Variants in VPS13B observed in about 807,000 individuals in gnomAD.
VPS13B encodes the protein vacuolar protein sorting 13 homolog B.
VPS13B carries 285 observed loss-of-function variants against 426.4 expected under a neutral mutation model. The ratio of observed to expected loss-of-function variants is 0.67; its 90% CI spans 0.61 to 0.74. VPS13B has a LOEUF of 0.74. Among genes scored for constraint, VPS13B ranks in the 30% least tolerant of loss-of-function variants. The pLI is 0.00. For missense variants in VPS13B, 4,537 were observed against 4,782.6 expected (o/e 0.95, Z 1.51); for synonymous variants, 1,676 against 1,676.4 (o/e 1.00, Z 0.01).
chr8:99,250,664 C>CTTTTTTTTTTTTTTTTTT (rs60698750), intron 17 of VPS13B, among the ~76,000 whole-genome samples: 2 of 35,806 alleles, frequency 5.6e-5, no homozygotes, highest in Admixed American at 4.8e-4. Flanking sequence ...TGTGTTTATT[C>CTTTTTTTTTTTTTTTTTT]TTTTTTTTTT....
chr8:99,631,346 A>G (rs2133911368), intron 33 of VPS13B, among the ~76,000 whole-genome samples: 1 of 152,224 alleles, frequency 6.6e-6, no homozygotes, highest in Non-Finnish European at 1.5e-5. Context: ...ATTGTCTCTA[A>G]TCATAGCCTT....
intron 30 of VPS13B, among the ~76,000 whole-genome samples, chr8:99,521,623 C>T (rs1822383498): frequency 6.6e-6 from 1 of 152,204 alleles, no homozygotes; most frequent in Non-Finnish European, 1.5e-5. Flanking sequence ...GAAGTTGGCA[C>T]TGCTGCCAGA....
At chr8:99,049,453 A>T (rs1394574837) in intron 3 of VPS13B, among the ~76,000 whole-genome samples, 1 of 152,062 alleles carries the variant, frequency 6.6e-6, no homozygotes, top group Non-Finnish European at 1.5e-5. Flanking sequence ...TTCTTGGCAG[A>T]TAATTGCTTT....
At chr8:99,633,518 T>G (rs1828934786) in intron 33 of VPS13B, among the ~76,000 whole-genome samples, 1 of 151,992 alleles carries the variant, frequency 6.6e-6, no homozygotes, top group African/African-American at 2.4e-5. Context: ...TGAGTCAAAT[T>G]CTATGAAAAA....
intron 16 of VPS13B, among the ~76,000 whole-genome samples, chr8:99,171,783 T>G (rs1424915064): frequency 6.6e-6 from 1 of 152,038 alleles, no homozygotes; most frequent in East Asian, 1.9e-4. Context: ...ATTTTCTTAA[T>G]AAATGTAAAA....
intron 3 of VPS13B, among the ~76,000 whole-genome samples, chr8:99,071,344 T>A (rs1844841132): frequency 6.6e-6 from 1 of 152,162 alleles, no homozygotes; most frequent in Non-Finnish European, 1.5e-5. Flanking sequence ...CTGTGACTCT[T>A]ATAGACTTGC....
intron 17 of VPS13B, among the ~76,000 whole-genome samples, chr8:99,227,298 A>G (rs890258354): frequency 6.6e-6 from 1 of 152,130 alleles, no homozygotes; most frequent in African/African-American, 2.4e-5. Context: ...GTTATTTTCA[A>G]AATCGATTTG....
intron 19 of VPS13B, 35 bp downstream of exon 19, chr8:99,275,289 C>CTTTT (rs11332378): frequency 1.7e-5 from 20 of 1,195,702 alleles, no homozygotes; most frequent in African/African-American, 5.9e-5. Flanking sequence ...CCTTGTTTTG[C>CTTTT]TTTTTTTTTT....
intron 24 of VPS13B, among the ~76,000 whole-genome samples, chr8:99,477,929 T>C (rs1819782624): frequency 6.6e-6 from 1 of 152,162 alleles, no homozygotes; most frequent in Admixed American, 6.5e-5. Context: ...TTAATGTCTT[T>C]AGACACCAGT....
chr8:99,101,980 A>G (rs757040157), intron 4 of VPS13B, among the ~76,000 whole-genome samples: 2 of 151,752 alleles, frequency 1.3e-5, no homozygotes, highest in Non-Finnish European at 3.0e-5. Context: ...AGTGGAAAAG[A>G]TTAATTTTTT....
At position 99,823,825 on chromosome 8, in the gene VPS13B, C is replaced by T; in HGVS notation, c.9184-7C>T. 3 of 1,612,784 alleles carry T rather than the reference C, an allele frequency of 1.9e-6. No homozygotes were observed. Among genetic ancestry groups the T allele is most frequent in the Non-Finnish European group, 2.5e-6 (3 of 1,179,488 alleles). ...GTCAAAATTATTTTTTCTCAATTATCTTGTAGTTATGTCAGTTCTGCATTT... is the reference window on the plus strand; with the variant it reads ...GTCAAAATTATTTTTTCTCAATTATTTTGTAGTTATGTCAGTTCTGCATTT... On this transcript the variant is annotated splice_region_variant and splice_polypyrimidine_tract_variant and intron_variant, in intron 50 of 61. Transcript: ENST00000357162.
chr8:99,149,552 AG>A (rs757967003), intron 14 of VPS13B, among the ~76,000 whole-genome samples: 1 of 151,702 alleles, frequency 6.6e-6, no homozygotes, highest in Non-Finnish European at 1.5e-5. Context: ...TCCTGACCTC[AG>A]GTGATCCACC....
chr8:99,874,861 C>G (rs1588818262), intron 61 of VPS13B: 2 of 154,290 alleles, frequency 1.3e-5, no homozygotes, highest in Admixed American at 1.3e-4. Context: ...TCTCTATTTT[C>G]TCTGGCTTTA....
At chr8:99,764,485 C>T (rs1715080191) in intron 39 of VPS13B, among the ~76,000 whole-genome samples, 1 of 142,126 alleles carries the variant, frequency 7.0e-6, no homozygotes, top group South Asian at 2.2e-4. Context: ...GCGATCTTGG[C>T]TCATGGCAAC....
At chr8:99,851,704 C>T (rs563602782) in intron 55 of VPS13B, among the ~76,000 whole-genome samples, 2 of 151,854 alleles carry the variant, frequency 1.3e-5, no homozygotes, top group East Asian at 3.9e-4. Context: ...CTGTTGTGGG[C>T]CCAGTGGAGG....
chr8:99,113,490 T>C (rs1198934072), intron 6 of VPS13B, among the ~76,000 whole-genome samples: 2 of 152,234 alleles, frequency 1.3e-5, no homozygotes, highest in Non-Finnish European at 2.9e-5. Flanking sequence ...CTAGGGAATA[T>C]GTATTAAACA....
At position 99,423,364 on chromosome 8, in the gene VPS13B, C is replaced by A. The variant is rs143114163; in HGVS notation, c.3083-8173C>A. Among the ~76,000 whole-genome samples, 48 of 151,890 alleles carry A rather than the reference C, an allele frequency of 3.2e-4. No individual in the cohort carries two copies. In the East Asian group the frequency reaches 8.9e-3, roughly 28 times the overall value. ...CTTGACCTCCTGAGCTTAAGCAATT[C>A]TCCTGCCTCAGCTACCTGAGTAGCT... On this transcript the variant is annotated intron_variant, in intron 21 of 61. Coordinates refer to ENST00000357162, the MANE Select transcript of VPS13B (RefSeq NM_152564.5).
At chr8:99,731,427 A>G (rs982731980) in intron 39 of VPS13B, among the ~76,000 whole-genome samples, 2 of 152,218 alleles carry the variant, frequency 1.3e-5, no homozygotes, top group Non-Finnish European at 2.9e-5. Flanking sequence ...GAGTAAAACC[A>G]GGATTCAAAT....
intron 39 of VPS13B, among the ~76,000 whole-genome samples, chr8:99,737,355 C>T (rs1348080105): frequency 2.6e-5 from 4 of 151,516 alleles, no homozygotes; most frequent in South Asian, 2.1e-4. Flanking sequence ...CTCCTGACCT[C>T]GGGATCCGCC....
Sources: gnomAD v4.1 joint callset for allele counts (sites outside exome capture counted in the v4.1 genomes callset) on GRCh38, gnomAD v4.1.1 for gene constraint, MANE v1.5 for transcripts, NCBI Gene and HGNC (gene_info 2026-07-23, HGNC 2026-07-21) for gene names.